The following LOXL3 variants were observed in gnomAD, a reference collection of about 807,000 sequenced individuals.
LOXL3 encodes the protein lysyl oxidase homolog 3.
Under a neutral mutation model 91.8 loss-of-function variants are expected in LOXL3, and 60 were observed. That is an observed-to-expected ratio of 0.65 (90% confidence interval 0.53 to 0.81). LOXL3 has a LOEUF of 0.81. Among genes scored for constraint, LOXL3 ranks in the 30% least tolerant of loss-of-function variants. The pLI, the probability that LOXL3 is intolerant of heterozygous loss-of-function variation, is 0.00. For missense variants in LOXL3, 874 were observed against 1,000.4 expected, an observed-to-expected ratio of 0.87 and a Z score of 1.70; for synonymous variants, 355 against 387.6, an observed-to-expected ratio of 0.92 and a Z score of 0.99.
At chr2:74,547,867 A>C (rs1676699222) in intron 4 of LOXL3, among the ~76,000 whole-genome samples, 1 of 152,224 alleles carries the variant, frequency 6.6e-6, no homozygotes, top group Non-Finnish European at 1.5e-5. Flanking sequence ...AGGATTACTA[A>C]ATTGGAAGGC....
At chr2:74,548,360 C>T (rs956631145) in intron 4 of LOXL3, among the ~76,000 whole-genome samples, 1 of 152,120 alleles carries the variant, frequency 6.6e-6, no homozygotes, top group African/African-American at 2.4e-5. Flanking sequence ...TAGGGAAGAC[C>T]TGAACTGGTT....
Position 74,549,259 on chromosome 2 carries a change from C to G in LOXL3, c.692+110G>C. On this transcript the variant is annotated intron_variant, in intron 4 of 13. Coordinates refer to ENST00000264094, the MANE Select transcript of LOXL3 (RefSeq NM_032603.5). The surrounding 1 kb of genome is among the most constrained non-coding windows in gnomAD (Gnocchi z 5.3). ...GGCCTCCATATTTTCCCGCGCGTCC[C>G]GACCCCCGGGTCCTCCCGTGCCCCG... 2.3e-6 allele frequency: 3 copies of G among 1,276,912 alleles called. No homozygotes were observed. The highest frequency in any genetic ancestry group is 1.7e-5 in the South Asian group (1 of 58,050). The allele number at this position is 1,276,912 out of a possible 1,614,324, so 79.1% of individuals were successfully genotyped here.
chr2:74,537,014 A>C (rs1054514826), intron 4 of LOXL3, 86 bp from the exon 5 acceptor site: 44 of 1,015,848 alleles, frequency 4.3e-5, no homozygotes, highest in Non-Finnish European at 5.6e-5. Flanking sequence ...TCATGCCTCC[A>C]CCATGCCCCC....
intron 1 of LOXL3, among the ~76,000 whole-genome samples, chr2:74,553,479 G>C (rs941219194): frequency 1.2e-4 from 18 of 152,206 alleles, no homozygotes; most frequent in Non-Finnish European, 2.5e-4. Context: ...ACCGGGCAAC[G>C]GGAGGCCAGG....
chr2:74,538,860 CAT>C (rs1476103913), intron 4 of LOXL3, among the ~76,000 whole-genome samples: 1 of 152,180 alleles, frequency 6.6e-6, no homozygotes, highest in South Asian at 2.1e-4. Flanking sequence ...GATAAGTAAA[CAT>C]GTGGAACGAG....
chr2:74,534,614 G>C lies in LOXL3; in HGVS notation c.1740C>G (p.Phe580Leu). 1.2e-6 allele frequency: 2 copies of C among 1,614,238 alleles called. No homozygotes were observed. Among genetic ancestry groups the C allele is most frequent in the Non-Finnish European group, 8.5e-7 (1 of 1,180,044 alleles). The change falls in exon 10 of 14, where the codon TTC (phenylalanine) becomes TTG (leucine). Residue 580 changes from phenylalanine (F) to leucine (L), a missense_variant. By Grantham distance (22) the Phe-to-Leu change is conservative. Transcript: ENST00000264094. Reference sequence around the variant, plus strand: ...GTCCCAGGTTGTGGATCTGGGAGGAGAATCGGAGCAGACGCCGGTGACCAT... The same window carrying C: ...GTCCCAGGTTGTGGATCTGGGAGGACAATCGGAGCAGACGCCGGTGACCAT... ...WPYGHRRLLR[F>L]SSQIHNLGRA... is the part of the protein sequence containing the mutation.
chr2:74,549,785 C>T lies in LOXL3; in HGVS notation c.478-202G>A. ...CCAGCAGCGCGTGGGATGTGCTGTG[C>T]TCCCAGAGAGGATTCAGGGCACTAG... On this transcript the variant is annotated intron_variant, in intron 3 of 13. Coordinates refer to ENST00000264094, the MANE Select transcript of LOXL3 (RefSeq NM_032603.5). This position sits in a 1 kb window ranked among gnomAD's most constrained non-coding sequence, Gnocchi z 5.3. 7.0e-7 allele frequency: 1 copy of T among 1,421,860 alleles called. No individual in the cohort carries two copies. The highest frequency in any genetic ancestry group is 9.2e-7 in the Non-Finnish European group (1 of 1,091,272). The allele number at this position is 1,421,860 out of a possible 1,614,324, so 88.1% of individuals were successfully genotyped here.
In LOXL3 at chr2:74,549,253, G is replaced by T; in HGVS notation, c.692+116C>A. On this transcript the variant is annotated intron_variant, in intron 4 of 13. Transcript: ENST00000264094. The surrounding 1 kb of genome is among the most constrained non-coding windows in gnomAD (Gnocchi z 5.3). ...TGCAACGGCCTCCATATTTTCCCGCGCGTCCCGACCCCCGGGTCCTCCCGT... is the reference window on the plus strand; with the variant it reads ...TGCAACGGCCTCCATATTTTCCCGCTCGTCCCGACCCCCGGGTCCTCCCGT... 8.4e-7 allele frequency: 1 copy of T among 1,196,940 alleles called. No homozygotes were observed. The highest frequency in any genetic ancestry group is 1.1e-6 in the Non-Finnish European group (1 of 894,144). 74.1% of individuals were successfully genotyped at this position (1,196,940 alleles called of 1,614,324 possible).
chr2:74,534,149 C>T lies in LOXL3; in HGVS notation c.2027G>A (p.Cys676Tyr), dbSNP rs786204838. Reference sequence around the variant, plus strand: ...CACATCCGTGATGTCAATCCACTGACAGTCAATGTCATGCCGGTAGAGATC... The same window carrying T: ...CACATCCGTGATGTCAATCCACTGATAGTCAATGTCATGCCGGTAGAGATC... ...CWDLYRHDIDCQWIDITDVKP... is the reference protein window; with the variant it reads ...CWDLYRHDIDYQWIDITDVKP... Residue 676 changes from cysteine to tyrosine, a missense_variant, in exon 12 of 14, where the codon TGT becomes TAT. Physicochemically the swap from Cys to Tyr is radical, Grantham distance 194. Transcript: ENST00000264094. 1 of 1,614,218 alleles carries T rather than the reference C, an allele frequency of 6.2e-7. No homozygotes were observed. The highest frequency in any genetic ancestry group is 1.1e-5 in the South Asian group (1 of 91,086).
intron 4 of LOXL3, among the ~76,000 whole-genome samples, chr2:74,543,220 C>G (rs1287903364): frequency 6.6e-6 from 1 of 152,200 alleles, no homozygotes; most frequent in East Asian, 1.9e-4. Context: ...CTTTCTTGGT[C>G]TTCTCTGCAG....
intron 4 of LOXL3, among the ~76,000 whole-genome samples, 158 bp from the exon 5 acceptor site, chr2:74,537,086 A>G (rs1396532573): frequency 1.3e-5 from 2 of 152,170 alleles, no homozygotes; most frequent in African/African-American, 2.4e-5. Flanking sequence ...CGGGAGATAC[A>G]TGGGGATTGC....
chr2:74,536,943 G>A lies in LOXL3; in HGVS notation c.693-15C>T. 1 of 1,609,758 alleles carries A rather than the reference G, an allele frequency of 6.2e-7. No individual in the cohort carries two copies. Among genetic ancestry groups the A allele is most frequent in the Non-Finnish European group, 8.5e-7 (1 of 1,176,372 alleles). On this transcript the variant is annotated splice_polypyrimidine_tract_variant and intron_variant, in intron 4 of 13. Transcript: ENST00000264094. The surrounding 1 kb of genome is among the most constrained non-coding windows in gnomAD (Gnocchi z 4.5). ...GGGCTAGCAGCCTAGGGGGACAGGA[G>A]TGAGGTGCAGTAGGGTAAAACAATG...
chr2:74,532,609 G>A lies in LOXL3; in HGVS notation c.*997C>T, dbSNP rs367791383. On this transcript the variant is annotated 3_prime_UTR_variant, in exon 14 of 14. Coordinates refer to ENST00000264094, the MANE Select transcript of LOXL3 (RefSeq NM_032603.5). ...GGGTTTGGCTAATAGGGTGATCTGT[G>A]TACTTTCAGCATCCTTGCTGAACTA... The A allele has an allele frequency of 1.9e-6, 3 of 1,611,998 alleles. No homozygotes were observed. The highest frequency in any genetic ancestry group is 1.7e-6 in the Non-Finnish European group (2 of 1,178,898).
chr2:74,540,299 T>C (rs1012008992), intron 4 of LOXL3, among the ~76,000 whole-genome samples: 1 of 152,222 alleles, frequency 6.6e-6, no homozygotes. Flanking sequence ...TGAGTCCAGA[T>C]GTTAGTGCTA....
chr2:74,549,705 G>A lies in LOXL3; in HGVS notation c.478-122C>T, dbSNP rs995092474. ...CCCAGTGGCGGGATGGGCCCGAGGC[G>A]GCGCTGAGAGAGCGGCCACGATGGC... On this transcript the variant is annotated intron_variant, in intron 3 of 13. Coordinates refer to ENST00000264094, the MANE Select transcript of LOXL3 (RefSeq NM_032603.5). This position sits in a 1 kb window ranked among gnomAD's most constrained non-coding sequence, Gnocchi z 5.3. 2.3e-5 allele frequency: 34 copies of A among 1,447,438 alleles called. No homozygotes were observed. The highest frequency in any genetic ancestry group is 2.9e-5 in the Non-Finnish European group (32 of 1,097,418). The allele number at this position is 1,447,438 out of a possible 1,614,324, so 89.7% of individuals were successfully genotyped here.
chr2:74,546,891 T>C (rs1676624509), intron 4 of LOXL3, among the ~76,000 whole-genome samples: 1 of 151,970 alleles, frequency 6.6e-6, no homozygotes. Context: ...TAGTTTTGTA[T>C]TTTTAGTAGA....
In LOXL3 at chr2:74,533,469, T is replaced by G; in HGVS notation, c.*137A>C. On this transcript the variant is annotated 3_prime_UTR_variant, in exon 14 of 14. Transcript: ENST00000264094. ...CTGAAGGAGGGTGAAAACTTCTGCT[T>G]GACAGTTCCACATCCATAGTGCATG... The G allele has an allele frequency of 1.4e-6, 1 of 716,538 alleles. No homozygotes were observed. Among genetic ancestry groups the G allele is most frequent in the Non-Finnish European group, 2.4e-6 (1 of 424,072 alleles). 44.4% of individuals were successfully genotyped at this position (716,538 alleles called of 1,614,324 possible). A position where few individuals can be genotyped will look rare whatever the true frequency, so the allele number is the denominator to read the frequency against.
At chr2:74,544,234 G>A (rs1676484637) in intron 4 of LOXL3, among the ~76,000 whole-genome samples, 1 of 152,064 alleles carries the variant, frequency 6.6e-6, no homozygotes, top group African/African-American at 2.4e-5. Context: ...CCAGGGAGGT[G>A]GAGGTTGCAG....
At chr2:74,540,547 C>T (rs1164365670) in intron 4 of LOXL3, among the ~76,000 whole-genome samples, 1 of 152,138 alleles carries the variant, frequency 6.6e-6, no homozygotes, top group East Asian at 1.9e-4. Context: ...GGAACACAGG[C>T]CAGGCTCCTT....
Sources: allele counts gnomAD v4.1 joint callset (sites outside exome capture counted in the v4.1 genomes callset), GRCh38; gene constraint gnomAD v4.1.1; non-coding constraint Gnocchi (gnomAD v3.1); transcripts MANE v1.5; gene names NCBI Gene and HGNC (gene_info 2026-07-23, HGNC 2026-07-21).